Variants in FLT4 observed in about 807,000 individuals in gnomAD.
FLT4 encodes the protein vascular endothelial growth factor receptor 3.
In FLT4, 30 loss-of-function variants were observed where a neutral mutation model predicts 163.2. The ratio of observed to expected loss-of-function variants is 0.18; its 90% confidence interval spans 0.14 to 0.25. The LOEUF is 0.25. Among genes scored for constraint, FLT4 ranks in the 10% least tolerant of loss-of-function variants. The probability of loss-of-function intolerance (pLI) is 1.00; values close to 1 mark genes in which losing one functional copy is unlikely to be tolerated. For synonymous variants in FLT4, 884 were observed against 789.5 expected, an observed-to-expected ratio of 1.12 and a Z score of -2.01; for missense variants, 1,510 against 1,863.8, an observed-to-expected ratio of 0.81 and a Z score of 3.50.
chr5:180,602,796 C>T lies in FLT4; in HGVS notation c.*396G>A, dbSNP rs1408954825. Reference sequence around the variant, plus strand: ...CTCTGCTCTCGTATGCCTTAACCTCCAACACTGTGTGACTCCCAGACCCAC... The same window carrying T: ...CTCTGCTCTCGTATGCCTTAACCTCTAACACTGTGTGACTCCCAGACCCAC... On this transcript the variant is annotated 3_prime_UTR_variant, in exon 30 of 30. Transcript: ENST00000261937. The T allele has an allele frequency of 1.8e-6, 1 of 542,124 alleles. No homozygotes were observed. Among genetic ancestry groups the T allele is most frequent in the African/African-American group, 1.9e-5 (1 of 53,172 alleles). 33.6% of individuals were successfully genotyped at this position (542,124 alleles called of 1,614,324 possible).
rs969183113 is a variant in FLT4, at chr5:180,631,593, G to A, written c.155+89C>T. The stretch of plus-strand genomic sequence containing the variant: ...ACTCTGCCCTGACTCTGCCCTGGGA[G>A]GGGGCTGCCATCTGGGCCCACAGCC... On this transcript the variant is annotated intron_variant, in intron 2 of 29. Transcript: ENST00000261937. 8.0e-5 allele frequency: 84 copies of A among 1,055,988 alleles called. 2 individuals are homozygous for A. In the Admixed American group the frequency reaches 1.4e-3, roughly 17 times the overall value. The allele number at this position is 1,055,988 out of a possible 1,614,324, so 65.4% of individuals were successfully genotyped here.
At chr5:180,648,785 C>A (rs1256606019) in intron 1 of FLT4, among the ~76,000 whole-genome samples, 2 of 152,168 alleles carry the variant, frequency 1.3e-5, no homozygotes, top group African/African-American at 4.8e-5. Context: ...CCCGCGGGGG[C>A]CTCTGCTCCT....
intron 8 of FLT4, among the ~76,000 whole-genome samples, chr5:180,627,781 G>T (rs1384572224): frequency 6.6e-6 from 1 of 152,212 alleles, no homozygotes; most frequent in Non-Finnish European, 1.5e-5. Flanking sequence ...GCCTTGGAGG[G>T]CAGGGGACAG....
chr5:180,606,850 G>A (rs1309487261), intron 29 of FLT4, among the ~76,000 whole-genome samples: 1 of 149,338 alleles, frequency 6.7e-6, no homozygotes, highest in African/African-American at 2.5e-5. Flanking sequence ...GAGGCCAGGA[G>A]TTCAAGACCA....
At chr5:180,642,019 C>G (rs142058710) in intron 1 of FLT4, among the ~76,000 whole-genome samples, 4 of 152,034 alleles carry the variant, frequency 2.6e-5, no homozygotes, top group Admixed American at 6.6e-5. Context: ...CCATCCTGGC[C>G]AACATGGTGA....
At chr5:180,633,081 G>A (rs1015563483) in intron 1 of FLT4, among the ~76,000 whole-genome samples, 3 of 152,052 alleles carry the variant, frequency 2.0e-5, no homozygotes, top group Non-Finnish European at 4.4e-5. Flanking sequence ...TGAAGCTAAC[G>A]GGGGTGGGGT....
At chr5:180,649,413 GC>G in intron 1 of FLT4, 74 bp downstream of exon 1, 1 of 1,164,510 alleles carries the variant, frequency 8.6e-7, no homozygotes, top group Non-Finnish European at 1.2e-6. Context: ...CGGTCTCAGC[GC>G]CCGCCCCAGG....
Position 180,631,785 on chromosome 5 carries a change from T to G in FLT4, c.59-7A>C. On this transcript the variant is annotated splice_region_variant and splice_polypyrimidine_tract_variant and intron_variant, in intron 1 of 29. Coordinates refer to ENST00000261937, the MANE Select transcript of FLT4 (RefSeq NM_182925.5). ...GAGTAGCCACTCACCAGGCCTGGGG[T>G]GGGAGACAGGGTCAGCGTGGTGCTG... is the stretch of plus-strand genomic sequence containing the variant. The G allele has an allele frequency of 6.2e-7, 1 of 1,601,252 alleles. No homozygotes were observed. The highest frequency in any genetic ancestry group is 8.5e-7 in the Non-Finnish European group (1 of 1,173,408).
intron 14 of FLT4, 25 bp downstream of exon 14, chr5:180,621,081 C>T: frequency 1.2e-6 from 2 of 1,612,706 alleles, no homozygotes; most frequent in Non-Finnish European, 1.7e-6. Context: ...CCGGACCTGC[C>T]CTTCGCCAGG....
At chr5:180,624,156 C>A in intron 10 of FLT4, 95 bp from the exon 11 acceptor site, 1 of 1,463,976 alleles carries the variant, frequency 6.8e-7, no homozygotes, top group Non-Finnish European at 9.4e-7. Flanking sequence ...ATCCAGTCAC[C>A]TTCTCATATG....
At chr5:180,648,589 G>C (rs562313960) in intron 1 of FLT4, among the ~76,000 whole-genome samples, 1 of 152,164 alleles carries the variant, frequency 6.6e-6, no homozygotes, top group South Asian at 2.1e-4. Flanking sequence ...CACCAGCTCC[G>C]TGGGGACTCC....
chr5:180,621,578 C>G lies in FLT4; in HGVS notation c.1984G>C (p.Asp662His), dbSNP rs1299399012. 2 of 1,611,946 alleles carry G rather than the reference C, an allele frequency of 1.2e-6. No homozygotes were observed. The highest frequency in any genetic ancestry group is 1.7e-6 in the Non-Finnish European group (2 of 1,179,400). ...VCEVQDRRSHDKHCHKKYLSV... is the reference protein window; with the variant it reads ...VCEVQDRRSHHKHCHKKYLSV... The stretch of plus-strand genomic sequence containing the variant: ...AGGTACTTCTTGTGGCAGTGCTTGT[C>G]ATGGCTGCGCCGGTCTTGCACTTCG... The change falls in exon 13 of 30, where the codon GAC (aspartate) becomes CAC (histidine). Residue 662 changes from aspartate to histidine, a missense_variant. Asp to His is a moderately conservative substitution (Grantham distance 81, BLOSUM62 -1). Around this residue, in one of 5 missense-constraint regions of FLT4, gnomAD observed 878 missense variants for 1,016.7 expected, o/e 0.86. Coordinates refer to ENST00000261937, the MANE Select transcript of FLT4 (RefSeq NM_182925.5).
At position 180,614,206 on chromosome 5, in the gene FLT4, C is replaced by T. The variant is rs373004354; in HGVS notation, c.3220-27G>A. ...TGGGGAGACAGAGGGAAGCTTGTCC[C>T]GTGGTGGATGGGGAGACGGAGGGAA... On this transcript the variant is annotated intron_variant, in intron 23 of 29. Transcript: ENST00000261937. The T allele has an allele frequency of 2.1e-4, 326 of 1,516,812 alleles. 2 individuals are homozygous for T. The African/African-American group carries it at 3.3e-3, about 15-fold the overall frequency. 94.0% of individuals were successfully genotyped at this position (1,516,812 alleles called of 1,614,324 possible). A position where few individuals can be genotyped will look rare whatever the true frequency, so the allele number is the denominator to read the frequency against.
At chr5:180,619,426 C>CCGGCCGCTTAGCTAAGGCACAG in intron 18 of FLT4, 60 bp from the exon 19 acceptor site, 2 of 1,390,156 alleles carry the variant, frequency 1.4e-6, no homozygotes, top group Admixed American at 1.7e-5. Context: ...TTCCCCGCCA[C>CCGGCCGCTTAGCTAAGGCACAG]CCGGCGCTTT....
In FLT4 at chr5:180,602,283, A is replaced by G. The variant is rs1363724188; in HGVS notation, c.*909T>C. On this transcript the variant is annotated 3_prime_UTR_variant, in exon 30 of 30. Coordinates refer to ENST00000261937, the MANE Select transcript of FLT4 (RefSeq NM_182925.5). ...GCCGCAGGTGGCAGATCCGGGCTCT[A>G]AAGGGAAGAACCAGACCGGCAGCTC... 1 of 254,130 alleles carries G rather than the reference A, an allele frequency of 3.9e-6. No individual in the cohort carries two copies. Among genetic ancestry groups the G allele is most frequent in the Non-Finnish European group, 7.5e-6 (1 of 132,974 alleles). The allele number at this position is 254,130 out of a possible 1,614,324, so 15.7% of individuals were successfully genotyped here. A position where few individuals can be genotyped will look rare whatever the true frequency, so the allele number is the denominator to read the frequency against.
At chr5:180,627,278 C>A (rs1763696977) in intron 8 of FLT4, among the ~76,000 whole-genome samples, 1 of 152,172 alleles carries the variant, frequency 6.6e-6, no homozygotes, top group African/African-American at 2.4e-5. Context: ...GGGGCCCATT[C>A]TCAACTTGGA....
chr5:180,647,534 C>A (rs1403784214), intron 1 of FLT4, among the ~76,000 whole-genome samples: 2 of 151,820 alleles, frequency 1.3e-5, no homozygotes, highest in Non-Finnish European at 2.9e-5. Flanking sequence ...AGGCTTCTGG[C>A]CTGCTCCCAC....
chr5:180,609,263 G>A, intron 28 of FLT4: 1 of 616,194 alleles, frequency 1.6e-6, no homozygotes, highest in Non-Finnish European at 3.0e-6. Flanking sequence ...AGGTCAGGGG[G>A]GCTGTGTGTG....
intron 28 of FLT4, 101 bp from the exon 29 acceptor site, chr5:180,609,154 C>A: frequency 1.1e-6 from 1 of 932,432 alleles, no homozygotes; most frequent in African/African-American, 1.6e-5. Flanking sequence ...TGCAGCGCGG[C>A]TGACCTAACA....
Sources: allele counts gnomAD v4.1 joint callset (sites outside exome capture counted in the v4.1 genomes callset), GRCh38; gene constraint gnomAD v4.1.1; regional missense constraint gnomAD v4.1.1; transcripts MANE v1.5; gene names NCBI Gene and HGNC (gene_info 2026-07-23, HGNC 2026-07-21).